The following FAT3 variants were observed in gnomAD, a reference collection of about 807,000 sequenced individuals.
FAT3 encodes the protein FAT atypical cadherin 3, also known as protocadherin Fat 3.
In FAT3, 95 loss-of-function variants were observed where a neutral mutation model predicts 310.2. The ratio of observed to expected loss-of-function variants is 0.31; its 90% CI spans 0.26 to 0.36. The LOEUF is 0.36. Ranked by LOEUF, FAT3 falls within the 10% of genes least tolerant of loss-of-function variation. The pLI is 1.00. For synonymous variants in FAT3, 2,314 were observed against 2,192.9 expected (o/e 1.06, Z -1.54); for missense variants, 5,408 against 5,715.6 (o/e 0.95, Z 1.74).
At chr11:92,463,939 G>A (rs762210389) in intron 2 of FAT3, among the ~76,000 whole-genome samples, 7 of 152,158 alleles carry the variant, frequency 4.6e-5, no homozygotes, top group Non-Finnish European at 7.4e-5. Flanking sequence ...GGTTTGTGAT[G>A]AAACCACGTG....
chr11:92,634,796 G>T (rs367560816), intron 3 of FAT3, among the ~76,000 whole-genome samples: 2 of 152,180 alleles, frequency 1.3e-5, no homozygotes, highest in South Asian at 2.1e-4. Flanking sequence ...TGCTGAAGCC[G>T]AGCCCCCAGT....
intron 3 of FAT3, among the ~76,000 whole-genome samples, chr11:92,569,046 C>T (rs1024674842): frequency 1.3e-5 from 2 of 152,158 alleles, no homozygotes; most frequent in African/African-American, 4.8e-5. Flanking sequence ...TGAAAGGTCT[C>T]TCCCAGTCAG....
At chr11:92,862,023 A>C (rs185801237) in intron 21 of FAT3, among the ~76,000 whole-genome samples, 3 of 152,342 alleles carry the variant, frequency 2.0e-5, no homozygotes, top group Admixed American at 6.5e-5. Flanking sequence ...AAAGGCACTC[A>C]TTCTTCTGTT....
At chr11:92,746,788 C>T (rs1945684518) in intron 4 of FAT3, among the ~76,000 whole-genome samples, 2 of 152,144 alleles carry the variant, frequency 1.3e-5, no homozygotes, top group Admixed American at 1.3e-4. Context: ...GGGCTACAGG[C>T]CCCATGCAAG....
chr11:92,805,720 C>T (rs1947489547), intron 11 of FAT3, among the ~76,000 whole-genome samples: 1 of 152,128 alleles, frequency 6.6e-6, no homozygotes, highest in African/African-American at 2.4e-5. Context: ...TAAGTTTACA[C>T]ATTTGGTTAG....
intron 3 of FAT3, among the ~76,000 whole-genome samples, chr11:92,568,805 C>G (rs1955569175): frequency 6.6e-6 from 1 of 152,158 alleles, no homozygotes; most frequent in Non-Finnish European, 1.5e-5. Context: ...GAAAGATCTT[C>G]CCCTCTGCAG....
At chr11:92,876,302 A>G (rs1185512818) in intron 22 of FAT3, among the ~76,000 whole-genome samples, 1 of 152,250 alleles carries the variant, frequency 6.6e-6, no homozygotes, top group South Asian at 2.1e-4. Flanking sequence ...ATCATAGCCA[A>G]CAACTAGCCA....
Position 92,225,099 on chromosome 11 carries a change from A to G in FAT3, c.-93A>G, listed in dbSNP as rs761962457. ...CCGGGGGACCGGCTCGCCCGGAGCA[A>G]GAGCGCCGAGCACCGGGTGAAGAAG... On this transcript the variant is annotated 5_prime_UTR_variant, in exon 1 of 28. Coordinates refer to ENST00000525166, the MANE Select transcript of FAT3 (RefSeq NM_001367949.2). 9.2e-5 allele frequency among the ~76,000 whole-genome samples: 14 copies of G among 152,118 alleles called. No individual in the cohort carries two copies. Among genetic ancestry groups the G allele is most frequent in the Non-Finnish European group, 2.1e-4 (14 of 68,000 alleles).
intron 4 of FAT3, among the ~76,000 whole-genome samples, chr11:92,706,497 T>C (rs1053919276): frequency 1.3e-5 from 2 of 151,986 alleles, no homozygotes; most frequent in East Asian, 3.9e-4. Flanking sequence ...TGGAAGCAGG[T>C]AGGCCCAGTA....
At chr11:92,375,214 G>A (rs555404447) in intron 2 of FAT3, among the ~76,000 whole-genome samples, 5 of 152,076 alleles carry the variant, frequency 3.3e-5, no homozygotes, top group Non-Finnish European at 7.4e-5. Context: ...GCTTACAGCA[G>A]CCTCCAACTC....
At chr11:92,375,124 T>C (rs1949306424) in intron 2 of FAT3, among the ~76,000 whole-genome samples, 1 of 152,012 alleles carries the variant, frequency 6.6e-6, no homozygotes, top group Non-Finnish European at 1.5e-5. Flanking sequence ...AAACTTATTA[T>C]ATAATTGGAT....
chr11:92,831,491 C>T, intron 13 of FAT3, 131 bp from the exon 14 acceptor site: 5 of 726,052 alleles, frequency 6.9e-6, no homozygotes, highest in Non-Finnish European at 1.1e-5. Context: ...TTTGTAGAGC[C>T]ACAGCTGTCT....
chr11:92,255,332 G>GT (rs1031470984), intron 1 of FAT3, among the ~76,000 whole-genome samples: 73 of 136,776 alleles, frequency 5.3e-4, no homozygotes, highest in Admixed American at 1.4e-3. Flanking sequence ...TTATTTTAGG[G>GT]TTTTTTTTTA....
chr11:92,262,061 A>T (rs1356851688), intron 1 of FAT3, among the ~76,000 whole-genome samples: 1 of 152,022 alleles, frequency 6.6e-6, no homozygotes, highest in Non-Finnish European at 1.5e-5. Flanking sequence ...GACCTAAAGA[A>T]ACTACCATAT....
At chr11:92,441,163 G>A (rs112564064) in intron 2 of FAT3, among the ~76,000 whole-genome samples, 134 of 152,256 alleles carry the variant, frequency 8.8e-4, no homozygotes, top group Non-Finnish European at 1.7e-3. Context: ...CTGTCCTCCC[G>A]GCTTCCCCCA....
intron 1 of FAT3, among the ~76,000 whole-genome samples, chr11:92,249,769 C>G (rs1046261300): frequency 5.3e-5 from 8 of 152,094 alleles, no homozygotes; most frequent in Admixed American, 5.2e-4. Flanking sequence ...CAGCAGCAAA[C>G]CCTCCTCCAT....
intron 3 of FAT3, among the ~76,000 whole-genome samples, chr11:92,655,153 A>G (rs1010065026): frequency 5.9e-5 from 9 of 152,182 alleles, no homozygotes; most frequent in Non-Finnish European, 1.3e-4. Flanking sequence ...CCCAACATGT[A>G]TTAGTTATCA....
At chr11:92,882,631 T>G in intron 23 of FAT3, 107 bp from the exon 24 acceptor site, 2 of 802,430 alleles carry the variant, frequency 2.5e-6, no homozygotes, top group Non-Finnish European at 3.6e-6. Context: ...CTGTACCCTT[T>G]AGGTGCATCG....
At position 92,859,341 on chromosome 11, in the gene FAT3, C is replaced by A. The variant is rs747517968; in HGVS notation, c.11658+19C>A. 1 of 1,560,064 alleles carries A rather than the reference C, an allele frequency of 6.4e-7. No homozygotes were observed. Among genetic ancestry groups the A allele is most frequent in the South Asian group, 1.2e-5 (1 of 83,818 alleles). On this transcript the variant is annotated intron_variant, in intron 21 of 27. Coordinates refer to ENST00000525166, the MANE Select transcript of FAT3 (RefSeq NM_001367949.2). ...TCTGAAGGTAATTAAAATGGGTTAT[C>A]TTTTTCTGCAGTCAGTTCTCATGTT...
Sources: allele counts gnomAD v4.1 joint callset (sites outside exome capture counted in the v4.1 genomes callset), GRCh38; gene constraint gnomAD v4.1.1; transcripts MANE v1.5; gene names NCBI Gene and HGNC (gene_info 2026-07-23, HGNC 2026-07-21).